The following RAD51B variants were observed in gnomAD, a reference collection of about 807,000 sequenced individuals.
RAD51B encodes RAD51 paralog B.
Under a neutral mutation model 42.2 loss-of-function variants are expected in RAD51B, and 38 were observed. The ratio of observed to expected loss-of-function variants is 0.90; its 90% CI spans 0.70 to 1.18. The LOEUF is 1.18. Among genes scored for constraint, RAD51B ranks in the 50% most tolerant of loss-of-function variants. The pLI, the probability that RAD51B is intolerant of heterozygous loss-of-function variation, is 0.00. For synonymous variants in RAD51B, 154 were observed against 145.2 expected (o/e 1.06, Z -0.43); for missense variants, 373 against 400.7 (o/e 0.93, Z 0.59).
intron 7 of RAD51B, among the ~76,000 whole-genome samples, chr14:68,119,360 C>T (rs978690672): frequency 1.8e-4 from 27 of 148,294 alleles, no homozygotes; most frequent in Non-Finnish European, 3.9e-4. Flanking sequence ...GGTACATGTG[C>T]ACAATGTGCA....
chr14:68,097,729 A>G (rs2140538385), intron 7 of RAD51B, among the ~76,000 whole-genome samples: 1 of 152,308 alleles, frequency 6.6e-6, no homozygotes, highest in East Asian at 1.9e-4. Flanking sequence ...ATCTTCCTTT[A>G]TTCTGACCTC....
intron 10 of RAD51B, among the ~76,000 whole-genome samples, chr14:68,548,030 C>T (rs1403584989): frequency 3.3e-5 from 5 of 152,208 alleles, no homozygotes. Context: ...GGCATCCTGT[C>T]TTGGAGGCCT....
intron 10 of RAD51B, among the ~76,000 whole-genome samples, chr14:68,475,233 G>A (rs187882834): frequency 1.4e-4 from 21 of 152,298 alleles, no homozygotes; most frequent in East Asian, 1.9e-4. Flanking sequence ...CATATACCCA[G>A]CTAAATTTCG....
chr14:67,886,042 A>G, intron 6 of RAD51B, 54 bp downstream of exon 6: 2 of 1,364,758 alleles, frequency 1.5e-6, no homozygotes, highest in Non-Finnish European at 9.9e-7. Flanking sequence ...TTTATGTTTT[A>G]TCTTTTATGT....
At chr14:68,345,215 T>C (rs78638345) in intron 8 of RAD51B, among the ~76,000 whole-genome samples, 2,413 of 152,254 alleles carry the variant, frequency 0.016, 64 homozygotes, top group African/African-American at 0.055. Context: ...AATTAAGACT[T>C]GGGAGAACTA....
intron 8 of RAD51B, among the ~76,000 whole-genome samples, chr14:68,376,208 A>C (rs2083366345): frequency 1.3e-5 from 2 of 152,178 alleles, no homozygotes; most frequent in South Asian, 4.1e-4. Context: ...ATATTTGGAG[A>C]CATGCAGAGC....
intron 8 of RAD51B, among the ~76,000 whole-genome samples, chr14:68,297,940 G>A (rs1274465702): frequency 6.6e-6 from 1 of 152,108 alleles, no homozygotes; most frequent in Non-Finnish European, 1.5e-5. Context: ...TAAGTGTCCT[G>A]GTGACCTTTC....
chr14:68,402,047 T>G (rs1277764598), intron 8 of RAD51B, among the ~76,000 whole-genome samples: 1 of 152,172 alleles, frequency 6.6e-6, no homozygotes, highest in Non-Finnish European at 1.5e-5. Flanking sequence ...GGAAGTAGAA[T>G]GCACCCTAAA....
chr14:68,478,222 C>T (rs1258899989), downstream of RAD51B: 19 of 975,906 alleles, frequency 1.9e-5, 1 homozygote, highest in South Asian at 6.3e-4. Context: ...AGAGGGAGGT[C>T]GATGGGCTCA....
chr14:67,924,253 CT>C (rs1013095406), intron 7 of RAD51B, among the ~76,000 whole-genome samples: 7 of 151,972 alleles, frequency 4.6e-5, no homozygotes, highest in Admixed American at 2.0e-4. Context: ...TCTATTTATC[CT>C]TGTTTTAGTT....
rs1891222373 is a variant in RAD51B at position 68,601,639 on chromosome 14, C to A, written c.1037-9367C>A. Among the ~76,000 whole-genome samples, 6 of 152,270 alleles carry A rather than the reference C, an allele frequency of 3.9e-5. No homozygotes were observed. In the South Asian group the frequency reaches 1.2e-3, roughly 32 times the overall value. On this transcript the variant is annotated intron_variant, in intron 10 of 10. Transcript: ENST00000487861. ...TTCATTCAGATCTGCACAGGGCTCC[C>A]ATCACTCAGCTCTGCCGCCATTCAT... is the stretch of plus-strand genomic sequence containing the variant.
At chr14:67,854,821 T>C (rs992319560) in intron 4 of RAD51B, among the ~76,000 whole-genome samples, 2 of 149,648 alleles carry the variant, frequency 1.3e-5, no homozygotes, top group African/African-American at 4.9e-5. Context: ...AAAAAAAAAA[T>C]TAGGTGTGGT....
chr14:68,624,899 CCGGTGGT>C (rs1892040693), intron 10 of RAD51B, among the ~76,000 whole-genome samples: 1 of 152,158 alleles, frequency 6.6e-6, no homozygotes, highest in Admixed American at 6.5e-5. Context: ...AGGATAGGAG[CCGGTGGT>C]TCCGAAGCGC....
chr14:68,325,963 G>C (rs1480072190), intron 8 of RAD51B, among the ~76,000 whole-genome samples: 2 of 151,500 alleles, frequency 1.3e-5, no homozygotes, highest in Non-Finnish European at 2.9e-5. Flanking sequence ...TTGCTGTTGA[G>C]GTGCTTAGTT....
chr14:68,059,302 A>G (rs2140436708), intron 7 of RAD51B, among the ~76,000 whole-genome samples: 1 of 152,346 alleles, frequency 6.6e-6, no homozygotes, highest in Middle Eastern at 3.4e-3. Flanking sequence ...TGCTGTAGTT[A>G]TCTTCACAAG....
At chr14:68,017,470 A>G (rs950061789) in intron 7 of RAD51B, among the ~76,000 whole-genome samples, 5 of 152,108 alleles carry the variant, frequency 3.3e-5, no homozygotes, top group African/African-American at 4.8e-5. Context: ...TGCTAGGATT[A>G]CAGGCGTGAG....
At chr14:67,944,651 C>T (rs951105032) in intron 7 of RAD51B, among the ~76,000 whole-genome samples, 3 of 152,042 alleles carry the variant, frequency 2.0e-5, no homozygotes, top group African/African-American at 7.2e-5. Context: ...TTTTATTATT[C>T]ACTTTTCTAG....
downstream of RAD51B, among the ~76,000 whole-genome samples, chr14:68,613,088 C>A (rs1320310421): frequency 1.3e-5 from 2 of 152,182 alleles, no homozygotes; most frequent in African/African-American, 4.8e-5. Context: ...GACTAATAGT[C>A]CAGGTCATTC....
At chr14:67,893,576 C>T (rs549000373) in intron 7 of RAD51B, among the ~76,000 whole-genome samples, 7 of 150,646 alleles carry the variant, frequency 4.6e-5, no homozygotes, top group Non-Finnish European at 1.0e-4. Context: ...GAGGCTGGGG[C>T]GGGAGGATGG....
Sources: allele counts gnomAD v4.1 joint callset (sites outside exome capture counted in the v4.1 genomes callset), GRCh38; gene constraint gnomAD v4.1.1; transcripts MANE v1.5; gene names NCBI Gene and HGNC (gene_info 2026-07-23, HGNC 2026-07-21).